The following CFAP47 variants were observed in gnomAD, a reference collection of about 807,000 sequenced individuals.
The protein encoded by CFAP47 is cilia and flagella associated protein 47.
A neutral mutation model predicts 148.1 loss-of-function variants in CFAP47; 29 were observed. The observed-to-expected ratio is 0.20, with a 90% CI of 0.15 to 0.27. CFAP47 has a LOEUF of 0.27. Among genes scored for constraint, CFAP47 ranks in the 10% least tolerant of loss-of-function variants. The pLI is 1.00. For synonymous variants in CFAP47, 664 were observed against 577.3 expected (o/e 1.15, Z -2.15); for missense variants, 1,872 against 1,697.5 (o/e 1.10, Z -1.81).
intron 49 of CFAP47, among the ~76,000 whole-genome samples, chrX:36,277,124 C>T (rs1556002840): frequency 1.8e-5 from 2 of 111,706 alleles, no homozygotes; most frequent in African/African-American, 6.5e-5. Context: ...TATTTTGCAA[C>T]TATAGAAGAA....
chrX:36,045,180 A>G (rs111281696), intron 25 of CFAP47, among the ~76,000 whole-genome samples: 86 of 111,187 alleles, frequency 7.7e-4, no homozygotes, highest in African/African-American at 2.6e-3. Context: ...GTTTTTCTCT[A>G]TTCTATGTGA....
At chrX:35,925,634 C>T (rs918921826) in intron 1 of CFAP47, among the ~76,000 whole-genome samples, 1 of 111,802 alleles carries the variant, frequency 8.9e-6, no homozygotes, top group Non-Finnish European at 1.9e-5. Flanking sequence ...ATATAACACT[C>T]CTAACTATAG....
chrX:36,284,987 A>G lies in CFAP47; in HGVS notation c.7589-642A>G, dbSNP rs781975417. ...TTTATGAAGGGCCTGGTTGATGAGG[A>G]TTCCAGTTTTAGCATGAGGGAGTAT... On this transcript the variant is annotated intron_variant, in intron 50 of 63. Coordinates refer to ENST00000378653, the MANE Select transcript of CFAP47 (RefSeq NM_001304548.2). Among the ~76,000 whole-genome samples the G allele has an allele frequency of 5.4e-5, 6 of 111,440 alleles. No homozygotes were observed. The South Asian group carries it at 2.3e-3, about 42-fold the overall frequency.
At chrX:36,287,277 T>C (rs1444378146) in intron 51 of CFAP47, among the ~76,000 whole-genome samples, 1 of 111,573 alleles carries the variant, frequency 9.0e-6, no homozygotes, top group Non-Finnish European at 1.9e-5. Context: ...ATCAAGGACT[T>C]GCCCCTCCCC....
At chrX:36,177,150 A>C (rs1939694135) in intron 39 of CFAP47, among the ~76,000 whole-genome samples, 1 of 112,119 alleles carries the variant, frequency 8.9e-6, no homozygotes, top group South Asian at 3.7e-4. Context: ...CAGGTAGTTC[A>C]TATTGCATTT....
chrX:35,929,140 AC>A (rs1349912658), intron 2 of CFAP47, among the ~76,000 whole-genome samples: 5 of 111,246 alleles, frequency 4.5e-5, no homozygotes, highest in Non-Finnish European at 7.5e-5. Flanking sequence ...AAATATCTCT[AC>A]CTTTCCATGT....
At chrX:36,010,929 C>T (rs1286611416) in intron 21 of CFAP47, among the ~76,000 whole-genome samples, 2 of 111,274 alleles carry the variant, frequency 1.8e-5, no homozygotes, top group African/African-American at 6.5e-5. Context: ...GGGATTTCTT[C>T]ATAATCTTTT....
intron 27 of CFAP47, among the ~76,000 whole-genome samples, chrX:36,067,556 A>T (rs1937659452): frequency 9.0e-6 from 1 of 111,427 alleles, no homozygotes; most frequent in African/African-American, 3.3e-5. Context: ...TCAAGCTGCC[A>T]TAATACCTTT....
At chrX:36,245,624 T>C (rs1380694447) in intron 48 of CFAP47, among the ~76,000 whole-genome samples, 4 of 111,493 alleles carry the variant, frequency 3.6e-5, no homozygotes, top group Non-Finnish European at 3.8e-5. Flanking sequence ...GGAAGACAGC[T>C]AAGCAAGGAG....
chrX:36,174,244 C>G (rs1186142947), intron 39 of CFAP47, among the ~76,000 whole-genome samples: 2 of 110,166 alleles, frequency 1.8e-5, no homozygotes, highest in Non-Finnish European at 3.8e-5. Flanking sequence ...TGGGTCTTGA[C>G]TCTTTATCCA....
At chrX:36,134,660 C>A (rs971589500) in intron 33 of CFAP47, among the ~76,000 whole-genome samples, 4 of 111,143 alleles carry the variant, frequency 3.6e-5, no homozygotes, top group African/African-American at 1.3e-4. Flanking sequence ...TAAATGTAAA[C>A]CCACACAACT....
chrX:36,141,553 A>G (rs1210593704), intron 35 of CFAP47, among the ~76,000 whole-genome samples: 1 of 111,398 alleles, frequency 9.0e-6, no homozygotes, highest in East Asian at 2.8e-4. Context: ...ACCCAGAAAC[A>G]ATGCTTTACC....
At chrX:36,037,365 G>T (rs1937350785) in intron 24 of CFAP47, among the ~76,000 whole-genome samples, 1 of 109,937 alleles carries the variant, frequency 9.1e-6, no homozygotes, top group Non-Finnish European at 1.9e-5. Flanking sequence ...TGTTGTTGTT[G>T]TTGTTGTTGT....
intron 33 of CFAP47, among the ~76,000 whole-genome samples, chrX:36,119,045 A>G (rs1332596760): frequency 9.0e-6 from 1 of 111,686 alleles, no homozygotes; most frequent in Non-Finnish European, 1.9e-5. Context: ...TTTCTTTACC[A>G]ATTTGGATGC....
intron 39 of CFAP47, among the ~76,000 whole-genome samples, chrX:36,166,832 CA>C (rs1939496644): frequency 9.0e-6 from 1 of 111,568 alleles, no homozygotes; most frequent in African/African-American, 3.3e-5. Context: ...CCTACACACA[CA>C]TAGTGTTAAG....
intron 57 of CFAP47, among the ~76,000 whole-genome samples, chrX:36,337,375 G>A (rs1602114382): frequency 8.9e-6 from 1 of 111,936 alleles, no homozygotes; most frequent in Non-Finnish European, 1.9e-5. Flanking sequence ...AACAAAAAGA[G>A]GACTAATACC....
intron 27 of CFAP47, among the ~76,000 whole-genome samples, chrX:36,070,496 C>CT (rs34621358): frequency 0.031 from 2,780 of 91,126 alleles, 69 homozygotes; most frequent in African/African-American, 0.067. Context: ...TTTTCTTTTC[C>CT]TTTTTTTTTT....
At chrX:35,968,054 A>G (rs931972699) in intron 10 of CFAP47, among the ~76,000 whole-genome samples, 4 of 110,442 alleles carry the variant, frequency 3.6e-5, no homozygotes, top group Non-Finnish European at 7.6e-5. Flanking sequence ...TTTTCACCTC[A>G]ATATGTACTT....
intron 56 of CFAP47, among the ~76,000 whole-genome samples, chrX:36,318,588 G>A (rs782443351): frequency 6.3e-5 from 7 of 111,834 alleles, no homozygotes; most frequent in Non-Finnish European, 1.1e-4. Flanking sequence ...CATAGTGTAT[G>A]ATGTAGGGAA....
Sources: allele counts gnomAD v4.1 joint callset (sites outside exome capture counted in the v4.1 genomes callset), GRCh38; gene constraint gnomAD v4.1.1; transcripts MANE v1.5; gene names NCBI Gene and HGNC (gene_info 2026-07-23, HGNC 2026-07-21).